Variants in SCLY observed in about 807,000 individuals in gnomAD.
The protein encoded by SCLY is selenocysteine lyase, also known as putative selenocysteine lyase.
In SCLY, 38 loss-of-function variants were observed where a neutral mutation model predicts 50.1. That is an observed-to-expected ratio of 0.76 (90% confidence interval 0.59 to 0.99). The LOEUF is 0.99. Ranked by LOEUF, SCLY falls within the 50% of genes least tolerant of loss-of-function variation. The probability of loss-of-function intolerance (pLI) is 0.00; values close to 1 mark genes in which losing one functional copy is unlikely to be tolerated. For missense variants in SCLY, 600 were observed against 620.0 expected (o/e 0.97, Z 0.34); for synonymous variants, 243 against 249.4 (o/e 0.97, Z 0.24).
At position 238,098,458 on chromosome 2, in the gene SCLY, A is replaced by C; in HGVS notation, c.*103A>C. Reference sequence around the variant, plus strand: ...AGGGCTGTGCCAGGATGACTGTCTCATGCCCCCTCTGCATTTTGTCCTGGA... The same window carrying C: ...AGGGCTGTGCCAGGATGACTGTCTCCTGCCCCCTCTGCATTTTGTCCTGGA... On this transcript the variant is annotated 3_prime_UTR_variant, in exon 12 of 12. Transcript: ENST00000254663. 4.6e-6 allele frequency: 6 copies of C among 1,293,972 alleles called. No homozygotes were observed. The highest frequency in any genetic ancestry group is 2.8e-4 in the Middle Eastern group (1 of 3,622). 80.2% of individuals were successfully genotyped at this position (1,293,972 alleles called of 1,614,324 possible).
At chr2:238,081,904 T>C in intron 5 of SCLY, 68 bp downstream of exon 5, 2 of 1,586,666 alleles carry the variant, frequency 1.3e-6, no homozygotes, top group Non-Finnish European at 1.7e-6. Context: ...ACTCATGGCG[T>C]TTCAGGTTTC....
At chr2:238,082,416 T>TG (rs558643097) in intron 6 of SCLY, among the ~76,000 whole-genome samples, 44 of 149,734 alleles carry the variant, frequency 2.9e-4, no homozygotes, top group Middle Eastern at 3.4e-3. Flanking sequence ...GCAGGGATGA[T>TG]GGGGGGGGTG....
At chr2:238,081,631 T>C (rs954943291) in intron 4 of SCLY, 78 bp from the exon 5 acceptor site, 6 of 1,541,514 alleles carry the variant, frequency 3.9e-6, no homozygotes, top group Non-Finnish European at 5.3e-6. Context: ...TGTAGAAAAC[T>C]GTTAAGCTCT....
chr2:238,083,514 C>T lies in SCLY; in HGVS notation c.884+160C>T, dbSNP rs573018371. On this transcript the variant is annotated intron_variant, in intron 7 of 11. Coordinates refer to ENST00000254663, the MANE Select transcript of SCLY (RefSeq NM_016510.7). This position sits in a 1 kb window ranked among gnomAD's most constrained non-coding sequence, Gnocchi z 4.3. ...GAACTGGCTCCACTGATTGATTTTA[C>T]ACTGAGGGCTCACAGGACCTGCAGT... Among the ~76,000 whole-genome samples the T allele has an allele frequency of 1.3e-5, 2 of 152,314 alleles. No homozygotes were observed. Among genetic ancestry groups the T allele is most frequent in the African/African-American group, 4.8e-5 (2 of 41,574 alleles).
chr2:238,099,240 T>A lies in SCLY; in HGVS notation c.*885T>A, dbSNP rs1190881636. The A allele has an allele frequency of 4.2e-6, 2 of 471,476 alleles. No homozygotes were observed. The highest frequency in any genetic ancestry group is 4.7e-5 in the Admixed American group (2 of 42,516). The allele number at this position is 471,476 out of a possible 1,614,324, so 29.2% of individuals were successfully genotyped here. A position where few individuals can be genotyped will look rare whatever the true frequency, so the allele number is the denominator to read the frequency against. ...TAATTTTATTTGCAGAGGATTCTTT[T>A]CTCAAAATGCTCTGGCATTTGGACA... On this transcript the variant is annotated 3_prime_UTR_variant, in exon 12 of 12. Transcript: ENST00000254663.
At position 238,069,341 on chromosome 2, in the gene SCLY, A is replaced by G. The variant is rs1250631064; in HGVS notation, c.348A>G (p.Ala116=). The part of the protein sequence containing the change: ...VIHSVVKHFH[A]NQTSKGHTGG... ...ATTCTGTGGTGAAACATTTCCACGC[A>G]AACCAGACCTCAAAGGGACACACAG... The change falls in exon 4 of 12, where the codon GCA becomes GCG. Residue 116 remains alanine, a synonymous_variant. Transcript: ENST00000254663. The surrounding 1 kb of genome is among the most constrained non-coding windows in gnomAD (Gnocchi z 5.0). The G allele has an allele frequency of 6.2e-7, 1 of 1,614,068 alleles. No individual in the cohort carries two copies. Among genetic ancestry groups the G allele is most frequent in the South Asian group, 1.1e-5 (1 of 91,032 alleles).
intron 4 of SCLY, among the ~76,000 whole-genome samples, chr2:238,076,651 C>T (rs1361275629): frequency 6.6e-6 from 1 of 150,978 alleles, no homozygotes; most frequent in Non-Finnish European, 1.5e-5. Context: ...CTTCCCTCCA[C>T]TATTGTCCCA....
chr2:238,064,572 T>A (rs1434825405), intron 2 of SCLY, 103 bp downstream of exon 2: 1 of 634,570 alleles, frequency 1.6e-6, no homozygotes, highest in East Asian at 3.3e-5. Flanking sequence ...TTTGAATAGG[T>A]TTCTGTTAGC....
Position 238,098,601 on chromosome 2 carries a change from A to ACATGGGAACGCCG in SCLY, c.*249_*250insGGGAACGCCGCAT, listed in dbSNP as rs1559254518. 7.6e-6 allele frequency: 3 copies of ACATGGGAACGCCG among 393,256 alleles called. No individual in the cohort carries two copies. Among genetic ancestry groups the ACATGGGAACGCCG allele is most frequent in the Non-Finnish European group, 1.3e-5 (3 of 226,178 alleles). 24.4% of individuals were successfully genotyped at this position (393,256 alleles called of 1,614,324 possible). A position where few individuals can be genotyped will look rare whatever the true frequency, so the allele number is the denominator to read the frequency against. On this transcript the variant is annotated 3_prime_UTR_variant, in exon 12 of 12. Transcript: ENST00000254663. The stretch of plus-strand genomic sequence containing the variant: ...TGGGACCGCCCACATAGGACCGCCC[A>ACATGGGAACGCCG]CATAGGACCGCCCACATGGGACCGC...
At position 238,068,157 on chromosome 2, in the gene SCLY, G is replaced by A. The variant is rs753392246; in HGVS notation, c.295G>A (p.Gly99Ser). 1 of 1,605,984 alleles carries A rather than the reference G, an allele frequency of 6.2e-7. No individual in the cohort carries two copies. Among genetic ancestry groups the A allele is most frequent in the Non-Finnish European group, 8.5e-7 (1 of 1,175,140 alleles). Reference protein sequence around the residue: ...KPQDIIFTSGGTESNNLVIHS... With the variant: ...KPQDIIFTSGSTESNNLVIHS... ...TCAAGATATAATCTTCACTTCCGGG[G>A]GCACTGAGGTAAAGCTTCTGAACAC... Residue 99 changes from glycine to serine, a missense_variant, in exon 3 of 12, where the codon GGC becomes AGC. By Grantham distance (56) the Gly-to-Ser change is moderately conservative. Transcript: ENST00000254663.
Position 238,097,377 on chromosome 2 carries a change from C to T in SCLY, c.1184+501C>T, listed in dbSNP as rs115003895. On this transcript the variant is annotated intron_variant, in intron 11 of 11. Transcript: ENST00000254663. ...TGTGGGGTAGAGGGCGTGGGGTGCC[C>T]GAGCAGCGGCCTGCTGGCAGCAGGG... is the stretch of plus-strand genomic sequence containing the variant. Among the ~76,000 whole-genome samples the T allele has an allele frequency of 2.3e-3, 161 of 69,872 alleles. 1 individual carries two copies. The highest frequency in any genetic ancestry group is 0.016 in the African/African-American group (160 of 9,814). The allele number at this position is 69,872 out of a possible 152,430, so 45.8% of individuals were successfully genotyped here.
intron 4 of SCLY, among the ~76,000 whole-genome samples, chr2:238,075,978 G>A (rs112769586): frequency 0.012 from 1,803 of 149,836 alleles, 47 homozygotes; most frequent in African/African-American, 0.042. Flanking sequence ...CAAGCTTAGC[G>A]TTCCAATAAT....
Position 238,061,006 on chromosome 2 carries a change from T to C in SCLY, c.-49T>C, listed in dbSNP as rs577470934. 1 of 1,319,922 alleles carries C rather than the reference T, an allele frequency of 7.6e-7. No individual in the cohort carries two copies. The allele number at this position is 1,319,922 out of a possible 1,614,324, so 81.8% of individuals were successfully genotyped here. ...CCTCCTCCCCGGCGCTCTGGGCCCGTAGCGCTCCGCGGGAAGGAGGCTGGA... is the reference window on the plus strand; with the variant it reads ...CCTCCTCCCCGGCGCTCTGGGCCCGCAGCGCTCCGCGGGAAGGAGGCTGGA... On this transcript the variant is annotated 5_prime_UTR_variant, in exon 1 of 12. Coordinates refer to ENST00000254663, the MANE Select transcript of SCLY (RefSeq NM_016510.7).
intron 11 of SCLY, among the ~76,000 whole-genome samples, chr2:238,097,749 G>T (rs374999393): frequency 6.6e-6 from 1 of 152,080 alleles, no homozygotes; most frequent in Non-Finnish European, 1.5e-5. Flanking sequence ...ATGTCCCCAC[G>T]CAGTCATCTG....
intron 1 of SCLY, among the ~76,000 whole-genome samples, chr2:238,063,785 T>A (rs534592333): frequency 6.6e-6 from 1 of 151,126 alleles, no homozygotes; most frequent in Non-Finnish European, 1.5e-5. Context: ...GAAAGTTCCC[T>A]TGGGGAATGT....
At chr2:238,074,589 T>G (rs1268505117) in intron 4 of SCLY, among the ~76,000 whole-genome samples, 1 of 152,104 alleles carries the variant, frequency 6.6e-6, no homozygotes, top group African/African-American at 2.4e-5. Flanking sequence ...GTTCAAGCGA[T>G]TCTCCTGCCT....
chr2:238,091,522 G>T, intron 8 of SCLY: 12 of 433,096 alleles, frequency 2.8e-5, no homozygotes, highest in South Asian at 1.7e-4. Context: ...TGTTACAGCA[G>T]AGGTGAAGTG....
intron 4 of SCLY, among the ~76,000 whole-genome samples, chr2:238,072,790 A>C (rs973971758): frequency 1.1e-4 from 17 of 152,198 alleles, no homozygotes; most frequent in African/African-American, 4.1e-4. Flanking sequence ...GTCCCTTGTC[A>C]GATAGATGAT....
intron 7 of SCLY, among the ~76,000 whole-genome samples, chr2:238,086,974 G>A (rs1486345639): frequency 2.0e-5 from 3 of 146,904 alleles, no homozygotes; most frequent in South Asian, 2.2e-4. Flanking sequence ...ACCCGAGATC[G>A]CACCACTGCA....
Sources: allele counts gnomAD v4.1 joint callset (sites outside exome capture counted in the v4.1 genomes callset), GRCh38; gene constraint gnomAD v4.1.1; non-coding constraint Gnocchi (gnomAD v3.1); transcripts MANE v1.5; gene names NCBI Gene and HGNC (gene_info 2026-07-23, HGNC 2026-07-21).